The following NRG1 variants were observed in gnomAD, a reference collection of about 807,000 sequenced individuals.
NRG1 encodes the protein pro-neuregulin-1, membrane-bound isoform.
In NRG1, 18 loss-of-function variants were observed where a neutral mutation model predicts 63.8. The ratio of observed to expected loss-of-function variants is 0.28; its 90% CI spans 0.19 to 0.42. The LOEUF is 0.42. Among genes scored for constraint, NRG1 ranks in the 10% least tolerant of loss-of-function variants. The probability of loss-of-function intolerance (pLI) is 1.00; values close to 1 mark genes in which losing one functional copy is unlikely to be tolerated. For missense variants in NRG1, 762 were observed against 814.7 expected (o/e 0.94, Z 0.79); for synonymous variants, 302 against 301.3 (o/e 1.00, Z -0.02).
chr8:32,258,285 G>T (rs1002766893), intron 1 of NRG1, among the ~76,000 whole-genome samples: 1 of 152,158 alleles, frequency 6.6e-6, no homozygotes, highest in Non-Finnish European at 1.5e-5. Context: ...AAAAAATAAA[G>T]ATTTGACCTT....
chr8:32,290,607 T>C (rs1854079511), intron 1 of NRG1, among the ~76,000 whole-genome samples: 1 of 152,140 alleles, frequency 6.6e-6, no homozygotes, highest in African/African-American at 2.4e-5. Context: ...AGTGGCTCTG[T>C]CTTATGCCCA....
At chr8:31,985,964 C>T (rs1441649532) in intron 1 of NRG1, among the ~76,000 whole-genome samples, 1 of 151,940 alleles carries the variant, frequency 6.6e-6, no homozygotes, top group Non-Finnish European at 1.5e-5. Flanking sequence ...TTCTAGAATA[C>T]CATTGCATCA....
intron 1 of NRG1, among the ~76,000 whole-genome samples, chr8:31,700,883 C>G (rs997716826): frequency 6.6e-6 from 1 of 152,058 alleles, no homozygotes; most frequent in African/African-American, 2.4e-5. Context: ...GTAACTAGAG[C>G]AAGAGTAGAT....
At chr8:31,903,916 A>C (rs751738001) in intron 1 of NRG1, among the ~76,000 whole-genome samples, 4 of 152,226 alleles carry the variant, frequency 2.6e-5, no homozygotes, top group East Asian at 3.9e-4. Context: ...ACACCACTGC[A>C]CTCCAGCCTG....
chr8:32,037,581 C>T lies in NRG1; in HGVS notation c.37+398150C>T, dbSNP rs1819274427. ...CAGCCGCCCCTCCTCCTATGGGCTC[C>T]TTTCAGGGAGATCAGAGTTCTGTTC... is the stretch of plus-strand genomic sequence containing the variant. On this transcript the variant is annotated intron_variant, in intron 1 of 10. Coordinates refer to the NRG1 transcript ENST00000519301. 2.0e-5 allele frequency among the ~76,000 whole-genome samples: 3 copies of T among 152,200 alleles called. No homozygotes were observed. In the South Asian group the frequency reaches 6.2e-4, roughly 31 times the overall value.
chr8:32,118,578 G>A (rs1833043877), intron 1 of NRG1, among the ~76,000 whole-genome samples: 1 of 152,128 alleles, frequency 6.6e-6, no homozygotes, highest in South Asian at 2.1e-4. Flanking sequence ...GACGAAGACA[G>A]TACTGATTAT....
At chr8:32,150,191 G>GA (rs5890626) in intron 1 of NRG1, among the ~76,000 whole-genome samples, 6 of 151,626 alleles carry the variant, frequency 4.0e-5, no homozygotes, top group Admixed American at 3.3e-4. Context: ...TACATGAAGG[G>GA]AAAAAAAACC....
chr8:32,386,762 T>C (rs538609854), intron 1 of NRG1, among the ~76,000 whole-genome samples: 6 of 152,350 alleles, frequency 3.9e-5, no homozygotes, highest in African/African-American at 1.2e-4. Flanking sequence ...ATTTTGTACT[T>C]TCTCTTTCTG....
At chr8:32,662,264 A>G (rs915844218) in intron 5 of NRG1, among the ~76,000 whole-genome samples, 1 of 152,184 alleles carries the variant, frequency 6.6e-6, no homozygotes, top group Non-Finnish European at 1.5e-5. Context: ...GGAGTTAACC[A>G]TATGGCCATA....
chr8:32,194,570 C>T (rs979195214), intron 1 of NRG1, among the ~76,000 whole-genome samples: 3 of 151,996 alleles, frequency 2.0e-5, no homozygotes, highest in Non-Finnish European at 4.4e-5. Context: ...AAATTCAGCC[C>T]AGTAGACACT....
chr8:32,726,244 A>G (rs918025409), intron 5 of NRG1, among the ~76,000 whole-genome samples: 1 of 151,948 alleles, frequency 6.6e-6, no homozygotes, highest in Middle Eastern at 3.2e-3. Flanking sequence ...CATTGTCAAG[A>G]TTTTTCTCTC....
chr8:31,851,837 C>T (rs1469336105), intron 1 of NRG1, among the ~76,000 whole-genome samples: 6 of 149,014 alleles, frequency 4.0e-5, no homozygotes, highest in Non-Finnish European at 8.9e-5. Context: ...CAATTCCCAC[C>T]TATGAGTGAG....
At chr8:32,577,101 C>T (rs529311420) in intron 1 of NRG1, among the ~76,000 whole-genome samples, 11 of 152,238 alleles carry the variant, frequency 7.2e-5, no homozygotes, top group African/African-American at 2.6e-4. Flanking sequence ...CATTAATTCG[C>T]TTAGGATAAT....
At chr8:32,631,821 T>C (rs1402877244) in intron 5 of NRG1, among the ~76,000 whole-genome samples, 1 of 152,206 alleles carries the variant, frequency 6.6e-6, no homozygotes, top group Non-Finnish European at 1.5e-5. Flanking sequence ...TGCTCATAAT[T>C]GGACCTGATT....
chr8:32,129,857 C>A (rs913512198), intron 1 of NRG1, among the ~76,000 whole-genome samples: 1 of 151,842 alleles, frequency 6.6e-6, no homozygotes, highest in African/African-American at 2.4e-5. Flanking sequence ...GGCTATTTAT[C>A]CCAAATAGAA....
At chr8:32,138,992 C>T (rs754066817) in intron 1 of NRG1, among the ~76,000 whole-genome samples, 1 of 152,154 alleles carries the variant, frequency 6.6e-6, no homozygotes, top group Admixed American at 6.5e-5. Flanking sequence ...ATCAGTCAAT[C>T]AACAGTGAGT....
chr8:32,413,890 AC>A (rs1480521881), intron 1 of NRG1, among the ~76,000 whole-genome samples: 8 of 151,042 alleles, frequency 5.3e-5, no homozygotes, highest in Admixed American at 2.6e-4. Flanking sequence ...AGGTATAGAA[AC>A]CTCCAGGACT....
intron 1 of NRG1, among the ~76,000 whole-genome samples, chr8:31,947,969 A>C (rs1042564191): frequency 2.7e-5 from 4 of 150,498 alleles, no homozygotes; most frequent in African/African-American, 9.8e-5. Context: ...AAAAAAAAAA[A>C]AAACTACTAC....
At chr8:32,023,513 G>C (rs979963361) in intron 1 of NRG1, among the ~76,000 whole-genome samples, 4 of 152,184 alleles carry the variant, frequency 2.6e-5, no homozygotes, top group Non-Finnish European at 4.4e-5. Context: ...AGCGTCACCA[G>C]GTTTTCTGCA....
Sources: allele counts gnomAD v4.1 joint callset (sites outside exome capture counted in the v4.1 genomes callset), GRCh38; gene constraint gnomAD v4.1.1; transcripts MANE v1.5; gene names NCBI Gene and HGNC (gene_info 2026-07-23, HGNC 2026-07-21).